NLGN1: variants seen among roughly 807,000 people sequenced by gnomAD.
The protein encoded by NLGN1 is neuroligin 1, also known as neuroligin-1.
NLGN1 carries 12 observed loss-of-function variants against 65.5 expected under a neutral mutation model. The ratio of observed to expected loss-of-function variants is 0.18; its 90% CI spans 0.12 to 0.30. The LOEUF is 0.30. Ranked by LOEUF, NLGN1 falls within the 10% of genes least tolerant of loss-of-function variation. NLGN1 has a pLI of 1.00. For missense variants in NLGN1, 750 were observed against 1,007.1 expected (o/e 0.74, Z 3.46); for synonymous variants, 350 against 359.5 (o/e 0.97, Z 0.30).
rs200743076 is a variant in NLGN1, at chr3:174,052,206, TG to T, written c.647-223103del. Among the ~76,000 whole-genome samples, 804 of 152,094 alleles carry T rather than the reference TG, an allele frequency of 5.3e-3. 5 individuals carry two copies. The highest frequency in any genetic ancestry group is 0.048 in the Middle Eastern group (14 of 294). On this transcript the variant is annotated intron_variant, in intron 4 of 6. Coordinates refer to ENST00000457714, the Ensembl canonical transcript of NLGN1. Reference sequence around the variant, plus strand: ...GTAAAATGAGGTTGTCATTTCAATCTGGGGGGAAAGGCAGGGCATGTGTTGT... The same window carrying T: ...GTAAAATGAGGTTGTCATTTCAATCTGGGGGAAAGGCAGGGCATGTGTTGT...
At chr3:174,256,406 A>G (rs1447511791) in intron 4 of NLGN1, among the ~76,000 whole-genome samples, 1 of 152,066 alleles carries the variant, frequency 6.6e-6, no homozygotes, top group African/African-American at 2.4e-5. Context: ...CATTATCTTT[A>G]TTTTTTCTAG....
chr3:173,796,949 G>A (rs115266872), intron 3 of NLGN1, among the ~76,000 whole-genome samples: 1,913 of 152,046 alleles, frequency 0.013, 28 homozygotes, highest in Non-Finnish European at 0.018. Context: ...TTTTCTTTCC[G>A]TTTAAAATGT....
chr3:174,142,313 C>A (rs528095564), intron 4 of NLGN1, among the ~76,000 whole-genome samples: 2 of 151,936 alleles, frequency 1.3e-5, no homozygotes, highest in Non-Finnish European at 2.9e-5. Context: ...TGTATTTATC[C>A]ATTCTTTCTT....
intron 4 of NLGN1, among the ~76,000 whole-genome samples, chr3:173,820,179 GAAAAAAAAAAA>G (rs63081662): frequency 7.3e-6 from 1 of 136,616 alleles, no homozygotes; most frequent in Non-Finnish European, 1.5e-5. Context: ...ATTCAGTCTC[GAAAAAAAAAAA>G]AAAAAAAAAA....
At chr3:173,684,138 C>T (rs1764355463) in intron 3 of NLGN1, among the ~76,000 whole-genome samples, 1 of 151,682 alleles carries the variant, frequency 6.6e-6, no homozygotes, top group Non-Finnish European at 1.5e-5. Flanking sequence ...TCAAACATGC[C>T]AAAACAGAAA....
chr3:173,600,643 T>C (rs1390671697), intron 2 of NLGN1, among the ~76,000 whole-genome samples: 1 of 132,310 alleles, frequency 7.6e-6, no homozygotes, highest in Non-Finnish European at 1.6e-5. Context: ...ATAAGTCAGA[T>C]ATTTCCTGCT....
intron 4 of NLGN1, among the ~76,000 whole-genome samples, chr3:173,882,855 A>C (rs1382464197): frequency 6.6e-6 from 1 of 151,990 alleles, no homozygotes; most frequent in Non-Finnish European, 1.5e-5. Flanking sequence ...CTTTCACCCT[A>C]TCTTGACTTT....
chr3:173,423,529 G>GAAAAATTGACC (rs1715516906), intron 1 of NLGN1, among the ~76,000 whole-genome samples: 1 of 151,920 alleles, frequency 6.6e-6, no homozygotes, highest in South Asian at 2.1e-4. Flanking sequence ...TCCAAATTGG[G>GAAAAATTGACC]AAAAATTGAC....
chr3:173,991,190 T>C (rs1013965699), intron 4 of NLGN1, among the ~76,000 whole-genome samples: 2 of 152,164 alleles, frequency 1.3e-5, no homozygotes, highest in African/African-American at 4.8e-5. Context: ...GCCATAAAAA[T>C]CCTGTTTGTG....
chr3:173,747,506 G>T (rs1471262965), intron 3 of NLGN1, among the ~76,000 whole-genome samples: 1 of 150,074 alleles, frequency 6.7e-6, no homozygotes, highest in Non-Finnish European at 1.5e-5. Flanking sequence ...TCTTAGGATG[G>T]TTTGTCCCTG....
chr3:174,056,666 C>A (rs1482459262), intron 4 of NLGN1, among the ~76,000 whole-genome samples: 2 of 151,734 alleles, frequency 1.3e-5, no homozygotes, highest in Non-Finnish European at 2.9e-5. Flanking sequence ...TTTTATTTTC[C>A]CATAATGAAC....
intron 3 of NLGN1, among the ~76,000 whole-genome samples, chr3:173,678,771 A>C (rs1235322745): frequency 6.6e-6 from 1 of 152,160 alleles, no homozygotes; most frequent in East Asian, 1.9e-4. Flanking sequence ...ATAGATTTTA[A>C]AAACTGAAAA....
chr3:173,891,157 C>T (rs1474175566), intron 4 of NLGN1, among the ~76,000 whole-genome samples: 2 of 152,232 alleles, frequency 1.3e-5, no homozygotes, highest in Middle Eastern at 6.8e-3. Context: ...AGATGTCATA[C>T]AGGTTGACAG....
intron 4 of NLGN1, among the ~76,000 whole-genome samples, chr3:173,954,409 C>T (rs967003740): frequency 2.6e-5 from 4 of 151,792 alleles, no homozygotes; most frequent in Non-Finnish European, 2.9e-5. Context: ...CATTGAAGTG[C>T]GTAGAAGTGT....
Position 173,972,892 on chromosome 3 carries a change from GCC to G in NLGN1, c.646+165062_646+165063del, listed in dbSNP as rs146081954. Among the ~76,000 whole-genome samples, 126 of 152,196 alleles carry G rather than the reference GCC, an allele frequency of 8.3e-4. 1 individual carries two copies. In the East Asian group the frequency reaches 0.022, roughly 27 times the overall value. Reference sequence around the variant, plus strand: ...CTGAATCAGAAACTCTAGGGGTGGAGCCCAACAATCTGTATTTTAACAAACCC... The same window carrying G: ...CTGAATCAGAAACTCTAGGGGTGGAGCAACAATCTGTATTTTAACAAACCC... On this transcript the variant is annotated intron_variant, in intron 4 of 6. Coordinates refer to ENST00000457714, the Ensembl canonical transcript of NLGN1.
At chr3:173,893,319 C>T (rs751696749) in intron 4 of NLGN1, among the ~76,000 whole-genome samples, 3 of 152,028 alleles carry the variant, frequency 2.0e-5, no homozygotes, top group South Asian at 2.1e-4. Context: ...GTTCAGTCAC[C>T]GAGGTTTAGA....
chr3:174,060,726 G>A (rs747003663), intron 4 of NLGN1, among the ~76,000 whole-genome samples: 16 of 152,036 alleles, frequency 1.1e-4, no homozygotes, highest in Non-Finnish European at 1.8e-4. Flanking sequence ...AGATTTCGAG[G>A]TGCTTTTTGC....
At chr3:173,669,293 C>T (rs1762139797) in intron 3 of NLGN1, among the ~76,000 whole-genome samples, 1 of 152,136 alleles carries the variant, frequency 6.6e-6, no homozygotes, top group Non-Finnish European at 1.5e-5. Flanking sequence ...GCTATTGTAA[C>T]AAAGTACCAC....
chr3:174,034,846 T>C (rs1412152643), intron 4 of NLGN1, among the ~76,000 whole-genome samples: 7 of 152,230 alleles, frequency 4.6e-5, no homozygotes. Context: ...TCAATAATCA[T>C]TTTGTGAATA....
Sources: gnomAD v4.1 joint callset for allele counts (sites outside exome capture counted in the v4.1 genomes callset) on GRCh38, gnomAD v4.1.1 for gene constraint, MANE v1.5 for transcripts, NCBI Gene and HGNC (gene_info 2026-07-23, HGNC 2026-07-21) for gene names.